Variants in ACSS3 observed in about 807,000 individuals in gnomAD.
ACSS3 encodes acyl-CoA synthetase short chain family member 3, also known as acyl-CoA synthetase short-chain family member 3, mitochondrial.
In ACSS3, 64 loss-of-function variants were observed where a neutral mutation model predicts 84.2. The observed-to-expected ratio is 0.76, with a 90% confidence interval of 0.62 to 0.94. The LOEUF (loss-of-function observed/expected upper bound fraction) is 0.94, where lower values mean the gene tolerates loss of function less well. Ranked by LOEUF, ACSS3 falls within the 40% of genes least tolerant of loss-of-function variation. The probability of loss-of-function intolerance (pLI) is 0.00; values close to 1 mark genes in which losing one functional copy is unlikely to be tolerated. For synonymous variants in ACSS3, 317 were observed against 310.1 expected, an observed-to-expected ratio of 1.02 and a Z score of -0.23; for missense variants, 815 against 867.6, an observed-to-expected ratio of 0.94 and a Z score of 0.76.
At chr12:81,128,144 G>A (rs1347592641) in intron 2 of ACSS3, among the ~76,000 whole-genome samples, 5 of 151,438 alleles carry the variant, frequency 3.3e-5, no homozygotes, top group Admixed American at 2.0e-4. Flanking sequence ...AATTTCAGTT[G>A]TTGCATTTTC....
At chr12:81,102,826 TAAA>T (rs750745980) in intron 1 of ACSS3, among the ~76,000 whole-genome samples, 1 of 139,746 alleles carries the variant, frequency 7.2e-6, no homozygotes, top group Admixed American at 7.2e-5. Flanking sequence ...AGACTGCATC[TAAA>T]AAAAAAAAAA....
chr12:81,152,478 C>T (rs1405393216), intron 7 of ACSS3, among the ~76,000 whole-genome samples: 2 of 152,074 alleles, frequency 1.3e-5, no homozygotes. Context: ...GTCATGTTGT[C>T]TCAATTTTAA....
At chr12:81,254,015 T>A (rs1470430543) in intron 15 of ACSS3, among the ~76,000 whole-genome samples, 2 of 152,130 alleles carry the variant, frequency 1.3e-5, no homozygotes, top group African/African-American at 4.8e-5. Context: ...GCCACAAAGT[T>A]CTGATCTAAA....
intron 9 of ACSS3, among the ~76,000 whole-genome samples, chr12:81,204,810 C>T (rs150779724): frequency 6.6e-6 from 1 of 152,108 alleles, no homozygotes; most frequent in African/African-American, 2.4e-5. Flanking sequence ...GTAATGACCA[C>T]CAACTTGAGC....
chr12:81,241,454 A>T (rs2033800361), intron 13 of ACSS3, among the ~76,000 whole-genome samples: 1 of 152,150 alleles, frequency 6.6e-6, no homozygotes, highest in African/African-American at 2.4e-5. Context: ...TCCCATCAAC[A>T]GTGTAAAAGT....
intron 7 of ACSS3, among the ~76,000 whole-genome samples, chr12:81,170,727 G>A (rs1313734098): frequency 6.6e-6 from 1 of 151,990 alleles, no homozygotes; most frequent in African/African-American, 2.4e-5. Context: ...TATTGTCTGG[G>A]TTATTTCCCC....
intron 1 of ACSS3, among the ~76,000 whole-genome samples, chr12:81,079,961 G>T (rs538395732): frequency 1.3e-5 from 2 of 152,196 alleles, no homozygotes; most frequent in Non-Finnish European, 2.9e-5. Flanking sequence ...TATCTTAGGA[G>T]CAGGAAACTC....
intron 1 of ACSS3, among the ~76,000 whole-genome samples, chr12:81,097,400 A>G (rs1882146165): frequency 6.6e-6 from 1 of 152,102 alleles, no homozygotes; most frequent in Non-Finnish European, 1.5e-5. Flanking sequence ...TTGACATGTG[A>G]GTTGTAGTTT....
intron 11 of ACSS3, among the ~76,000 whole-genome samples, chr12:81,224,481 C>T (rs2033204838): frequency 6.6e-6 from 1 of 151,476 alleles, no homozygotes; most frequent in African/African-American, 2.4e-5. Context: ...TGCTTCTTTC[C>T]CCATGTTTTC....
At chr12:81,216,745 CT>C (rs2135942567) in intron 9 of ACSS3, among the ~76,000 whole-genome samples, 155 bp from the exon 10 acceptor site, 1 of 152,190 alleles carries the variant, frequency 6.6e-6, no homozygotes, top group South Asian at 2.1e-4. Flanking sequence ...TACTAGATAG[CT>C]TTAAATTTTT....
At chr12:81,233,531 G>A (rs2135974002) in intron 13 of ACSS3, 60 bp downstream of exon 13, 1 of 1,584,134 alleles carries the variant, frequency 6.3e-7, no homozygotes, top group Non-Finnish European at 8.6e-7. Flanking sequence ...CTGCACTGAA[G>A]ACAATATTGA....
intron 2 of ACSS3, among the ~76,000 whole-genome samples, chr12:81,115,251 A>T (rs1883942339): frequency 6.6e-6 from 1 of 152,154 alleles, no homozygotes; most frequent in Non-Finnish European, 1.5e-5. Context: ...ATAGTGCCAA[A>T]CAATTTTCCA....
At chr12:81,165,236 C>T (rs1397143151) in intron 7 of ACSS3, among the ~76,000 whole-genome samples, 1 of 152,168 alleles carries the variant, frequency 6.6e-6, no homozygotes, top group East Asian at 1.9e-4. Flanking sequence ...ACAATATTTA[C>T]TAATGTCTAT....
intron 9 of ACSS3, among the ~76,000 whole-genome samples, chr12:81,213,761 C>A (rs1347217859): frequency 1.7e-5 from 2 of 118,926 alleles, no homozygotes; most frequent in African/African-American, 6.4e-5. Flanking sequence ...CTCTCCTCTC[C>A]GCTCCTCTCT....
At chr12:81,196,520 G>A (rs1357934953) in intron 8 of ACSS3, among the ~76,000 whole-genome samples, 1 of 151,784 alleles carries the variant, frequency 6.6e-6, no homozygotes, top group Non-Finnish European at 1.5e-5. Flanking sequence ...TTTTAAACTA[G>A]ATATATTTTT....
chr12:81,119,037 G>A (rs544084395), intron 2 of ACSS3, among the ~76,000 whole-genome samples: 113 of 152,140 alleles, frequency 7.4e-4, no homozygotes, highest in African/African-American at 2.5e-3. Context: ...CCTAAGTGTC[G>A]GCCGATCTGA....
chr12:81,090,183 G>A (rs1881582939), intron 1 of ACSS3, among the ~76,000 whole-genome samples: 1 of 151,928 alleles, frequency 6.6e-6, no homozygotes, highest in Admixed American at 6.6e-5. Flanking sequence ...GAGCCAACTT[G>A]CACATGTCTT....
chr12:81,107,731 T>C (rs895451143), intron 1 of ACSS3, among the ~76,000 whole-genome samples: 3 of 151,684 alleles, frequency 2.0e-5, no homozygotes, highest in African/African-American at 4.9e-5. Context: ...TCCATATGTC[T>C]GCAGGTGGTC....
chr12:81,198,182 T>A (rs937126024), intron 8 of ACSS3, among the ~76,000 whole-genome samples: 1 of 152,176 alleles, frequency 6.6e-6, no homozygotes, highest in African/African-American at 2.4e-5. Flanking sequence ...TCCCCACCTC[T>A]GTACTTTATC....
Sources: allele counts gnomAD v4.1 joint callset (sites outside exome capture counted in the v4.1 genomes callset), GRCh38; gene constraint gnomAD v4.1.1; transcripts MANE v1.5; gene names NCBI Gene and HGNC (gene_info 2026-07-23, HGNC 2026-07-21).